KCNK1: variants seen among roughly 807,000 people sequenced by gnomAD.
KCNK1 encodes potassium channel subfamily K member 1.
A neutral mutation model predicts 22.2 loss-of-function variants in KCNK1; 10 were observed. The ratio of observed to expected loss-of-function variants is 0.45; its 90% CI spans 0.28 to 0.76. The LOEUF is 0.76. KCNK1 is among the 30% of genes least tolerant of loss of function. The pLI is 0.14. For missense variants in KCNK1, 378 were observed against 421.0 expected, an observed-to-expected ratio of 0.90 and a Z score of 0.89; for synonymous variants, 200 against 186.4, an observed-to-expected ratio of 1.07 and a Z score of -0.60.
chr1:233,640,863 C>T (rs1657988223), intron 1 of KCNK1, among the ~76,000 whole-genome samples: 2 of 152,142 alleles, frequency 1.3e-5, no homozygotes, highest in African/African-American at 4.8e-5. Context: ...TGCCACCACA[C>T]CCAACTAATT....
At chr1:233,653,158 C>A (rs10910237) in intron 1 of KCNK1, among the ~76,000 whole-genome samples, 46,256 of 152,096 alleles carry the variant, frequency 0.3, 8,634 homozygotes, top group Admixed American at 0.42. Flanking sequence ...AACTAGCTAA[C>A]CCTAAACCTG....
intron 2 of KCNK1, among the ~76,000 whole-genome samples, chr1:233,668,919 A>G (rs1658546470): frequency 2.0e-5 from 3 of 152,232 alleles, no homozygotes; most frequent in Middle Eastern, 6.8e-3. Context: ...ATATTTTTGT[A>G]TATATACACA....
At chr1:233,653,662 C>A (rs1233888782) in intron 1 of KCNK1, among the ~76,000 whole-genome samples, 1 of 152,102 alleles carries the variant, frequency 6.6e-6, no homozygotes, top group Non-Finnish European at 1.5e-5. Context: ...TGACCTTGGA[C>A]TGGGAGTTAT....
At chr1:233,621,007 T>C (rs746979877) in intron 1 of KCNK1, among the ~76,000 whole-genome samples, 18 of 152,350 alleles carry the variant, frequency 1.2e-4, no homozygotes, top group Non-Finnish European at 2.5e-4. Flanking sequence ...GAACAACTTC[T>C]CTACTTAGGT....
rs756005662 is a variant in KCNK1, at chr1:233,671,566, G to A, written c.*36G>A. 4 of 1,611,312 alleles carry A rather than the reference G, an allele frequency of 2.5e-6. No homozygotes were observed. Among genetic ancestry groups the A allele is most frequent in the African/African-American group, 1.3e-5 (1 of 74,862 alleles). ...TGTTGCATTATGCTAGAGCACCAGG[G>A]TCAGGGTGCAAGGAAGAGGCTTAAG... On this transcript the variant is annotated 3_prime_UTR_variant, in exon 3 of 3. Coordinates refer to ENST00000366621, the MANE Select transcript of KCNK1 (RefSeq NM_002245.4).
chr1:233,645,539 G>T (rs1206067214), intron 1 of KCNK1, among the ~76,000 whole-genome samples: 1 of 152,216 alleles, frequency 6.6e-6, no homozygotes, highest in Non-Finnish European at 1.5e-5. Context: ...ACTAGAAACT[G>T]GAAGAGGCAA....
intron 1 of KCNK1, among the ~76,000 whole-genome samples, chr1:233,626,473 G>C (rs1348704041): frequency 2.6e-5 from 4 of 152,152 alleles, no homozygotes; most frequent in Admixed American, 2.6e-4. Context: ...TCGGAGTGTA[G>C]GTGACAGTGC....
In KCNK1 at chr1:233,671,833, G is replaced by T; in HGVS notation, c.*303G>T. On this transcript the variant is annotated 3_prime_UTR_variant, in exon 3 of 3. Coordinates refer to ENST00000366621, the MANE Select transcript of KCNK1 (RefSeq NM_002245.4). ...AAGCAGTATGCTGCTGTGGTTAGAA[G>T]CAGATTTTATACTTTTAACTGGAAA... 1 of 300,356 alleles carries T rather than the reference G, an allele frequency of 3.3e-6. No homozygotes were observed. The highest frequency in any genetic ancestry group is 6.2e-6 in the Non-Finnish European group (1 of 161,710). 18.6% of individuals were successfully genotyped at this position (300,356 alleles called of 1,614,324 possible).
intron 1 of KCNK1, among the ~76,000 whole-genome samples, chr1:233,625,525 C>T (rs6693342): frequency 0.073 from 11,072 of 152,008 alleles, 531 homozygotes; most frequent in Admixed American, 0.13. Context: ...AGGAGAAGGT[C>T]GGAGAAAAAC....
intron 2 of KCNK1, among the ~76,000 whole-genome samples, chr1:233,670,799 A>G (rs1658583186): frequency 1.3e-5 from 2 of 152,194 alleles, no homozygotes; most frequent in African/African-American, 4.8e-5. Context: ...CTCTTATTCT[A>G]TAATAGAAAT....
Position 233,641,896 on chromosome 1 carries a change from G to C in KCNK1, c.356-24699G>C, listed in dbSNP as rs528170871. Among the ~76,000 whole-genome samples the C allele has an allele frequency of 1.2e-4, 18 of 152,320 alleles. No homozygotes were observed. In the South Asian group the frequency reaches 3.7e-3, roughly 32 times the overall value. The stretch of plus-strand genomic sequence containing the variant: ...GGATTTTGAGTGTCTGCAGGGAGCC[G>C]CTTGGGCAGCAGATGAACAAATGGC... On this transcript the variant is annotated intron_variant, in intron 1 of 2. Coordinates refer to ENST00000366621, the MANE Select transcript of KCNK1 (RefSeq NM_002245.4).
At chr1:233,652,212 G>A (rs1323047533) in intron 1 of KCNK1, among the ~76,000 whole-genome samples, 5 of 152,118 alleles carry the variant, frequency 3.3e-5, no homozygotes, top group African/African-American at 4.8e-5. Context: ...GCTTGGGTGG[G>A]TTAGATCTTT....
intron 1 of KCNK1, chr1:233,636,524 G>A (rs941803078): frequency 3.0e-4 from 45 of 152,468 alleles, no homozygotes; most frequent in African/African-American, 9.6e-4. Context: ...AGGTGCCACT[G>A]ACTGAGAAGA....
chr1:233,653,581 G>C (rs936111193), intron 1 of KCNK1, among the ~76,000 whole-genome samples: 8 of 152,058 alleles, frequency 5.3e-5, no homozygotes, highest in Non-Finnish European at 1.0e-4. Flanking sequence ...ATTCATGAAG[G>C]GCCTGAATAG....
Position 233,671,692 on chromosome 1 carries a change from T to C in KCNK1, c.*162T>C. The C allele has an allele frequency of 1.3e-6, 1 of 794,302 alleles. No homozygotes were observed. The highest frequency in any genetic ancestry group is 1.9e-6 in the Non-Finnish European group (1 of 513,472). The allele number at this position is 794,302 out of a possible 1,614,324, so 49.2% of individuals were successfully genotyped here. On this transcript the variant is annotated 3_prime_UTR_variant, in exon 3 of 3. Coordinates refer to ENST00000366621, the MANE Select transcript of KCNK1 (RefSeq NM_002245.4). Reference sequence around the variant, plus strand: ...TTAAAAAACAACAAAAAAAGACAAATGGAACAAAGAAGCTGTGACCCCAGC... The same window carrying C: ...TTAAAAAACAACAAAAAAAGACAAACGGAACAAAGAAGCTGTGACCCCAGC...
At chr1:233,617,441 G>T (rs1231239663) in intron 1 of KCNK1, among the ~76,000 whole-genome samples, 1 of 152,182 alleles carries the variant, frequency 6.6e-6, no homozygotes, top group Non-Finnish European at 1.5e-5. Context: ...CCCATCATAA[G>T]GTTCATGGCC....
At chr1:233,651,344 T>G (rs969201861) in intron 1 of KCNK1, among the ~76,000 whole-genome samples, 1 of 152,198 alleles carries the variant, frequency 6.6e-6, no homozygotes, top group Non-Finnish European at 1.5e-5. Flanking sequence ...CTTTTAAACC[T>G]AAGGGTAGTG....
At chr1:233,655,850 G>A (rs1478422573) in intron 1 of KCNK1, 2 of 150,784 alleles carry the variant, frequency 1.3e-5, no homozygotes, top group East Asian at 4.0e-4. Flanking sequence ...TTCTTTTGTA[G>A]CAGCTTGAAC....
intron 1 of KCNK1, among the ~76,000 whole-genome samples, chr1:233,639,689 A>C (rs1185290279): frequency 6.6e-6 from 1 of 152,238 alleles, no homozygotes; most frequent in African/African-American, 2.4e-5. Context: ...ATTACAAAAA[A>C]AACAACAAAG....
Sources: gnomAD v4.1 joint callset for allele counts (sites outside exome capture counted in the v4.1 genomes callset) on GRCh38, gnomAD v4.1.1 for gene constraint, MANE v1.5 for transcripts, NCBI Gene and HGNC (gene_info 2026-07-23, HGNC 2026-07-21) for gene names.